The following HRH1 variants were observed in gnomAD, a reference collection of about 807,000 sequenced individuals.
The protein encoded by HRH1 is histamine receptor H1, also known as histamine H1 receptor.
In HRH1, 6 loss-of-function variants were observed where a neutral mutation model predicts 10.3. The ratio of observed to expected loss-of-function variants is 0.58; its 90% CI spans 0.32 to 1.15. The LOEUF is 1.15. Among genes scored for constraint, HRH1 ranks in the 50% most tolerant of loss-of-function variants. The probability of loss-of-function intolerance (pLI) is 0.05; values close to 1 mark genes in which losing one functional copy is unlikely to be tolerated. For missense variants in HRH1, 514 were observed against 615.3 expected, an observed-to-expected ratio of 0.84 and a Z score of 1.74; for synonymous variants, 242 against 236.7, an observed-to-expected ratio of 1.02 and a Z score of -0.21.
intron 1 of HRH1, among the ~76,000 whole-genome samples, chr3:11,138,634 C>G (rs1936232065): frequency 1.3e-5 from 2 of 152,114 alleles, no homozygotes; most frequent in South Asian, 4.1e-4. Context: ...AGACCATCCC[C>G]TGGTATATAC....
rs531807830 is a variant in HRH1 at position 11,138,222 on chromosome 3, C to T, written c.-36+823C>T. ...TATTTTTAGTAGAGACGGGGTTTCA[C>T]CGTGTTAGCCAGGATGGTCTCGATC... On this transcript the variant is annotated intron_variant, in intron 1 of 1. Coordinates refer to the HRH1 transcript ENST00000438284. 4.6e-4 allele frequency among the ~76,000 whole-genome samples: 65 copies of T among 142,850 alleles called. 1 individual carries two copies. Among genetic ancestry groups the T allele is most frequent in the African/African-American group, 1.7e-3 (64 of 38,544 alleles). The allele number at this position is 142,850 out of a possible 152,430, so 93.7% of individuals were successfully genotyped here.
intron 1 of HRH1, among the ~76,000 whole-genome samples, chr3:11,196,009 C>T (rs191097773): frequency 3.3e-5 from 5 of 152,352 alleles, no homozygotes; most frequent in African/African-American, 1.2e-4. Context: ...CTAGCTCCAC[C>T]CTCCCAGGGA....
chr3:11,180,428 A>G (rs936873809), intron 1 of HRH1, among the ~76,000 whole-genome samples: 3 of 152,176 alleles, frequency 2.0e-5, no homozygotes, highest in Non-Finnish European at 4.4e-5. Context: ...CACAATGCAC[A>G]ATTATCAATA....
chr3:11,182,915 G>A (rs566996602), intron 1 of HRH1, among the ~76,000 whole-genome samples: 1 of 152,090 alleles, frequency 6.6e-6, no homozygotes, highest in Admixed American at 6.6e-5. Context: ...GCCACACCTT[G>A]CCTCCTAGGA....
chr3:11,252,126 C>G (rs527794125), intron 1 of HRH1, among the ~76,000 whole-genome samples: 1 of 152,232 alleles, frequency 6.6e-6, no homozygotes, highest in African/African-American at 2.4e-5. Flanking sequence ...ATGATGGGGT[C>G]TGGCTCGTCT....
At chr3:11,198,901 TATACACACACACAC>T (rs1937784675) in intron 1 of HRH1, among the ~76,000 whole-genome samples, 1 of 86,090 alleles carries the variant, frequency 1.2e-5, no homozygotes. Flanking sequence ...TCTCTCTCTT[TATACACACACACAC>T]ACACACACAC....
intron 1 of HRH1, among the ~76,000 whole-genome samples, chr3:11,183,854 G>GTTT (rs1937403555): frequency 2.4e-5 from 2 of 84,430 alleles, no homozygotes; most frequent in African/African-American, 9.3e-5. Context: ...AGGAAAGCTT[G>GTTT]CTTTTTTTTT....
At chr3:11,160,051 C>T (rs1477532443) in intron 1 of HRH1, among the ~76,000 whole-genome samples, 1 of 152,184 alleles carries the variant, frequency 6.6e-6, no homozygotes, top group Non-Finnish European at 1.5e-5. Context: ...CTGAAGTCTC[C>T]ATCTGCTTCT....
chr3:11,228,569 C>T (rs955999811), intron 1 of HRH1, among the ~76,000 whole-genome samples: 10 of 151,914 alleles, frequency 6.6e-5, no homozygotes, highest in African/African-American at 2.4e-4. Context: ...TATCACAGTG[C>T]TCCTGCCCTT....
chr3:11,230,584 G>A (rs896134775), intron 1 of HRH1, among the ~76,000 whole-genome samples: 1 of 152,232 alleles, frequency 6.6e-6, no homozygotes, highest in Admixed American at 6.5e-5. Context: ...TCACCTGGGA[G>A]CTTGTTAGAG....
chr3:11,212,441 A>T (rs1049292730), intron 1 of HRH1, among the ~76,000 whole-genome samples: 2 of 152,122 alleles, frequency 1.3e-5, no homozygotes, highest in Non-Finnish European at 2.9e-5. Flanking sequence ...GGAAGGGCTG[A>T]GACCCATCTG....
At chr3:11,241,078 T>C (rs1041724379) in intron 1 of HRH1, among the ~76,000 whole-genome samples, 6 of 152,214 alleles carry the variant, frequency 3.9e-5, no homozygotes, top group African/African-American at 1.4e-4. Flanking sequence ...ATATTTTGTT[T>C]TTTTCAAAAT....
At chr3:11,163,967 C>T (rs748293399) in intron 1 of HRH1, among the ~76,000 whole-genome samples, 7 of 152,196 alleles carry the variant, frequency 4.6e-5, no homozygotes, top group Admixed American at 2.0e-4. Context: ...CTGTGAGCAG[C>T]TTGAGGACAT....
intron 1 of HRH1, among the ~76,000 whole-genome samples, chr3:11,249,181 G>A (rs1253817992): frequency 6.6e-6 from 1 of 151,984 alleles, no homozygotes; most frequent in Non-Finnish European, 1.5e-5. Flanking sequence ...TGGATCACGA[G>A]GTCAGGAGAT....
intron 1 of HRH1, among the ~76,000 whole-genome samples, chr3:11,176,005 T>A (rs58764888): frequency 0.055 from 8,391 of 151,222 alleles, 478 homozygotes; most frequent in African/African-American, 0.15. Flanking sequence ...CAAAAAAAAA[T>A]AAATAAATAA....
intron 1 of HRH1, among the ~76,000 whole-genome samples, chr3:11,206,966 G>A (rs997434254): frequency 2.0e-5 from 3 of 152,094 alleles, no homozygotes; most frequent in Admixed American, 6.5e-5. Context: ...TTGTCTTATC[G>A]GGGTGGAGTC....
chr3:11,194,894 A>G (rs929772998), intron 1 of HRH1, among the ~76,000 whole-genome samples: 1 of 152,222 alleles, frequency 6.6e-6, no homozygotes, highest in Non-Finnish European at 1.5e-5. Context: ...TGAAATTGCC[A>G]GTTTGATATT....
At chr3:11,173,810 G>A (rs1440450703) in intron 1 of HRH1, among the ~76,000 whole-genome samples, 1 of 152,104 alleles carries the variant, frequency 6.6e-6, no homozygotes, top group African/African-American at 2.4e-5. Context: ...CTGATTTTGT[G>A]TTTTGGAAAC....
intron 1 of HRH1, among the ~76,000 whole-genome samples, chr3:11,233,302 CT>C (rs1368467219): frequency 1.3e-5 from 2 of 151,958 alleles, no homozygotes; most frequent in African/African-American, 4.8e-5. Flanking sequence ...TTTATTATCT[CT>C]TTTCTCTCTG....
Sources: gnomAD v4.1 joint callset for allele counts (sites outside exome capture counted in the v4.1 genomes callset) on GRCh38, gnomAD v4.1.1 for gene constraint, MANE v1.5 for transcripts, NCBI Gene and HGNC (gene_info 2026-07-23, HGNC 2026-07-21) for gene names.